SMARCA2: variants seen among roughly 807,000 people sequenced by gnomAD.
SMARCA2 encodes the protein SWI/SNF related BAF chromatin remodeling complex subunit ATPase 2, also known as SWI/SNF-related matrix-associated actin-dependent regulator of chromatin subfamily A member 2.
Under a neutral mutation model 199.8 loss-of-function variants are expected in SMARCA2, and 61 were observed. That is an observed-to-expected ratio of 0.31 (90% CI 0.25 to 0.38). SMARCA2 has a LOEUF of 0.38. Among genes scored for constraint, SMARCA2 ranks in the 10% least tolerant of loss-of-function variants. The pLI is 1.00. For missense variants in SMARCA2, 1,344 were observed against 2,012.2 expected (o/e 0.67, Z 6.35); for synonymous variants, 935 against 732.0 (o/e 1.28, Z -4.48).
chr9:2,172,752 G>A (rs977027752), intron 29 of SMARCA2, among the ~76,000 whole-genome samples: 4 of 152,144 alleles, frequency 2.6e-5, no homozygotes, highest in African/African-American at 7.2e-5. Context: ...AGTTCTGGGC[G>A]TGAGCGTGCA....
intron 29 of SMARCA2, chr9:2,181,120 TACTTTCTAAATACAATGTG>T (rs1446675427): frequency 6.5e-6 from 1 of 153,638 alleles, no homozygotes; most frequent in Non-Finnish European, 1.4e-5. Context: ...TATTTTGAGT[TACTTTCTAAATACAATGTG>T]AATTTGAAAA....
intron 27 of SMARCA2, chr9:2,158,560 T>C (rs1825495833): frequency 5.9e-6 from 1 of 169,256 alleles, no homozygotes; most frequent in African/African-American, 2.4e-5. Context: ...GGGGGTTTGC[T>C]TCTGTGATTT....
Position 2,182,336 on chromosome 9 carries a change from T to C in SMARCA2, c.4461+94T>C, listed in dbSNP as rs1827095997. 4 of 761,704 alleles carry C rather than the reference T, an allele frequency of 5.3e-6. No individual in the cohort carries two copies. In the East Asian group the frequency reaches 7.6e-5, roughly 14 times the overall value. 47.2% of individuals were successfully genotyped at this position (761,704 alleles called of 1,614,324 possible). A position where few individuals can be genotyped will look rare whatever the true frequency, so the allele number is the denominator to read the frequency against. On this transcript the variant is annotated intron_variant, in intron 31 of 33. Coordinates refer to ENST00000349721, the MANE Select transcript of SMARCA2 (RefSeq NM_003070.5). Reference sequence around the variant, plus strand: ...ATTTCATTTTCTACCTCTTGAATCATTGCTACTGGCAGAAGAAAAATAACT... The same window carrying C: ...ATTTCATTTTCTACCTCTTGAATCACTGCTACTGGCAGAAGAAAAATAACT...
chr9:2,116,861 C>T (rs1037202967), intron 25 of SMARCA2, among the ~76,000 whole-genome samples: 1 of 152,170 alleles, frequency 6.6e-6, no homozygotes, highest in Non-Finnish European at 1.5e-5. Context: ...CCCATACTTA[C>T]AAATTGAAGA....
At chr9:2,076,200 T>C (rs748153916) in intron 12 of SMARCA2, 29 bp from the exon 13 acceptor site, 4 of 1,200,012 alleles carry the variant, frequency 3.3e-6, no homozygotes, top group Non-Finnish European at 2.5e-6. Context: ...TAAAATATAA[T>C]TTCCTCCCTA....
chr9:2,172,038 G>A (rs759137047), intron 29 of SMARCA2, among the ~76,000 whole-genome samples: 1 of 152,166 alleles, frequency 6.6e-6, no homozygotes, highest in Non-Finnish European at 1.5e-5. Flanking sequence ...CAGTGGGCTT[G>A]GTGTTTGCTT....
chr9:2,140,514 T>G (rs921754818), intron 27 of SMARCA2, among the ~76,000 whole-genome samples: 1 of 152,236 alleles, frequency 6.6e-6, no homozygotes, highest in African/African-American at 2.4e-5. Context: ...CTGTTCTGTC[T>G]TTCTGCATTT....
At chr9:2,051,213 C>A (rs1405128297) in intron 5 of SMARCA2, among the ~76,000 whole-genome samples, 5 of 152,206 alleles carry the variant, frequency 3.3e-5, no homozygotes, top group Admixed American at 6.5e-5. Context: ...CCACCATGTG[C>A]TGAATCAAAT....
intron 23 of SMARCA2, among the ~76,000 whole-genome samples, chr9:2,109,063 A>G (rs1822876609): frequency 6.6e-6 from 1 of 152,176 alleles, no homozygotes; most frequent in Admixed American, 6.5e-5. Flanking sequence ...AAATGTGAAA[A>G]ACAGATCGTC....
intron 33 of SMARCA2, 171 bp from the exon 34 acceptor site, chr9:2,192,533 A>G (rs1458783534): frequency 3.0e-6 from 2 of 665,008 alleles, no homozygotes; most frequent in South Asian, 1.7e-5. Context: ...TTCTCAGCTT[A>G]GAGACTGTCG....
rs74516392 is a variant in SMARCA2, at chr9:2,120,994, G to A, written c.3762+1459G>A. Among the ~76,000 whole-genome samples the A allele has an allele frequency of 2.7e-3, 415 of 152,262 alleles. 12 individuals carry two copies. The East Asian group carries it at 0.065, about 24-fold the overall frequency. ...TCTGTCCTTGAAGAACTAATTAAAA[G>A]GCAGATTACTGGGGAACACCCAAGC... is the stretch of plus-strand genomic sequence containing the variant. On this transcript the variant is annotated intron_variant, in intron 26 of 33. Transcript: ENST00000349721.
At chr9:2,132,638 A>C (rs1824014538) in intron 27 of SMARCA2, among the ~76,000 whole-genome samples, 1 of 152,180 alleles carries the variant, frequency 6.6e-6, no homozygotes. Context: ...CATCAGATTT[A>C]CTGGGGCAAA....
intron 4 of SMARCA2, chr9:2,041,046 G>C (rs1346186053): frequency 3.7e-6 from 1 of 268,146 alleles, no homozygotes; most frequent in Non-Finnish European, 6.9e-6. Context: ...TGACATGCAG[G>C]TTGTTGCAAA....
At chr9:2,145,462 T>A (rs1026960677) in intron 27 of SMARCA2, among the ~76,000 whole-genome samples, 6 of 152,144 alleles carry the variant, frequency 3.9e-5, no homozygotes, top group African/African-American at 1.2e-4. Context: ...TTTTTAAAAT[T>A]ATTAATGTCC....
rs377510238 is a variant in SMARCA2, at chr9:2,170,521, G to A, written c.4253+49G>A. The A allele has an allele frequency of 1.3e-4, 205 of 1,612,982 alleles. No individual in the cohort carries two copies. In the Middle Eastern group the frequency reaches 1.5e-3, roughly 12 times the overall value. On this transcript the variant is annotated intron_variant, in intron 29 of 33. Coordinates refer to ENST00000349721, the MANE Select transcript of SMARCA2 (RefSeq NM_003070.5). The surrounding 1 kb of genome is among the most constrained non-coding windows in gnomAD (Gnocchi z 4.7). ...CTATCTCTAAATACAGGTATCCCTC[G>A]TTACGTGAAACAGATTGAATCATAT...
At chr9:2,073,373 C>G (rs758878982) in intron 11 of SMARCA2, 31 bp downstream of exon 11, 2 of 1,611,464 alleles carry the variant, frequency 1.2e-6, no homozygotes, top group South Asian at 2.2e-5. Context: ...TCATGGTGTT[C>G]TTTTAGCTTT....
At chr9:2,079,764 T>C (rs1821485182) in intron 14 of SMARCA2, 1 of 152,250 alleles carries the variant, frequency 6.6e-6, no homozygotes, top group African/African-American at 2.4e-5. Context: ...ACTCATAGCA[T>C]GCTCTAATAA....
intron 3 of SMARCA2, among the ~76,000 whole-genome samples, chr9:2,037,735 C>T (rs7875797): frequency 0.011 from 1,612 of 152,234 alleles, 23 homozygotes; most frequent in African/African-American, 0.034. Flanking sequence ...AACTGTGACA[C>T]GATTACATTT....
intron 10 of SMARCA2, among the ~76,000 whole-genome samples, chr9:2,071,753 C>T (rs556195394): frequency 5.3e-5 from 8 of 152,236 alleles, no homozygotes; most frequent in South Asian, 4.1e-4. Flanking sequence ...GACATTAGCA[C>T]GAAAACAAGC....
Sources: allele counts gnomAD v4.1 joint callset (sites outside exome capture counted in the v4.1 genomes callset), GRCh38; gene constraint gnomAD v4.1.1; non-coding constraint Gnocchi (gnomAD v3.1); transcripts MANE v1.5; gene names NCBI Gene and HGNC (gene_info 2026-07-23, HGNC 2026-07-21).